The following NIBAN1 variants were observed in gnomAD, a reference collection of about 807,000 sequenced individuals.
The protein encoded by NIBAN1 is protein Niban 1.
In NIBAN1, 81 loss-of-function variants were observed where a neutral mutation model predicts 75.1. The observed-to-expected ratio is 1.08, with a 90% CI of 0.90 to 1.30. NIBAN1 has a LOEUF of 1.30. Ranked by LOEUF, NIBAN1 falls within the 50% of genes most tolerant of loss-of-function variation. The probability of loss-of-function intolerance (pLI) is 0.00; values close to 1 mark genes in which losing one functional copy is unlikely to be tolerated. For synonymous variants in NIBAN1, 436 were observed against 424.8 expected, an observed-to-expected ratio of 1.03 and a Z score of -0.32; for missense variants, 1,133 against 1,128.1, an observed-to-expected ratio of 1.00 and a Z score of -0.06.
chr1:184,899,229 T>G lies in NIBAN1; in HGVS notation c.136A>C (p.Thr46Pro), dbSNP rs550095870. The part of the protein sequence containing the change: ...YSVAFCNHVR[T>P]EVEQQRDLTS... ...AAATCTCTTTGCTGTTCTACTTCAG[T>G]GCGCACGTGATTGCAGAAAGCCACA... is the stretch of plus-strand genomic sequence containing the variant. Residue 46 changes from threonine to proline, a missense_variant, in exon 2 of 14, where the codon ACT becomes CCT. Physicochemically the swap from Thr to Pro is conservative, Grantham distance 38 (BLOSUM62 -1). Coordinates refer to ENST00000367511, the MANE Select transcript of NIBAN1 (RefSeq NM_052966.4). 6.2e-7 allele frequency: 1 copy of G among 1,614,000 alleles called. No homozygotes were observed. Among genetic ancestry groups the G allele is most frequent in the East Asian group, 2.2e-5 (1 of 44,880 alleles).
At chr1:184,833,565 G>A (rs1001917094) in intron 5 of NIBAN1, among the ~76,000 whole-genome samples, 4 of 152,002 alleles carry the variant, frequency 2.6e-5, no homozygotes, top group Admixed American at 1.3e-4. Flanking sequence ...AGCTGAGCAC[G>A]GTGGCACATG....
At chr1:184,823,423 T>A (rs1224332897) in intron 7 of NIBAN1, 94 bp from the exon 8 acceptor site, 16 of 1,480,968 alleles carry the variant, frequency 1.1e-5, no homozygotes, top group Middle Eastern at 3.6e-4. Context: ...CAGGCCATCA[T>A]AACAAACAGA....
intron 1 of NIBAN1, among the ~76,000 whole-genome samples, chr1:184,959,168 G>C (rs1312781873): frequency 1.3e-5 from 2 of 151,992 alleles, no homozygotes; most frequent in Non-Finnish European, 2.9e-5. Context: ...CTGCTCAGCT[G>C]TCTGGCCCCA....
At chr1:184,883,319 A>T (rs1656424293) in intron 5 of NIBAN1, among the ~76,000 whole-genome samples, 1 of 152,164 alleles carries the variant, frequency 6.6e-6, no homozygotes, top group Admixed American at 6.5e-5. Flanking sequence ...CTTTCAAATG[A>T]TAATTGGTGG....
At chr1:184,840,565 C>T (rs964714987) in intron 5 of NIBAN1, among the ~76,000 whole-genome samples, 3 of 151,908 alleles carry the variant, frequency 2.0e-5, no homozygotes, top group Non-Finnish European at 4.4e-5. Context: ...AAAATACTGC[C>T]TACCTTGTCC....
At chr1:184,911,039 G>A (rs1352677307) in intron 1 of NIBAN1, among the ~76,000 whole-genome samples, 1 of 151,590 alleles carries the variant, frequency 6.6e-6, no homozygotes, top group Non-Finnish European at 1.5e-5. Flanking sequence ...CCATAATTGT[G>A]TGGGCCAATT....
At chr1:184,925,365 C>A (rs1213105133) in intron 1 of NIBAN1, among the ~76,000 whole-genome samples, 1 of 151,994 alleles carries the variant, frequency 6.6e-6, no homozygotes, top group African/African-American at 2.4e-5. Context: ...TCCATTCAGC[C>A]ATTCTATGTC....
intron 1 of NIBAN1, among the ~76,000 whole-genome samples, chr1:184,917,304 A>G (rs1397224161): frequency 2.7e-5 from 4 of 147,790 alleles, no homozygotes; most frequent in Admixed American, 6.8e-5. Flanking sequence ...TCCCGGGTTC[A>G]TGCCATTCTG....
chr1:184,964,063 C>G (rs185508592), intron 1 of NIBAN1, among the ~76,000 whole-genome samples: 2 of 135,820 alleles, frequency 1.5e-5, no homozygotes, highest in Non-Finnish European at 3.0e-5. Flanking sequence ...ACTAAATAAG[C>G]TAAAAAAAAA....
chr1:184,956,503 C>A (rs1469637778), intron 1 of NIBAN1, among the ~76,000 whole-genome samples: 1 of 152,082 alleles, frequency 6.6e-6, no homozygotes, highest in Non-Finnish European at 1.5e-5. Flanking sequence ...ACTTTGTCAC[C>A]AATAGAGCTC....
intron 1 of NIBAN1, among the ~76,000 whole-genome samples, chr1:184,974,080 G>A (rs553107934): frequency 1.3e-3 from 194 of 152,228 alleles, no homozygotes; most frequent in African/African-American, 4.3e-3. Flanking sequence ...CCCGCATCCT[G>A]CACCTGCCTC....
chr1:184,890,964 C>A (rs1656653098), intron 3 of NIBAN1, among the ~76,000 whole-genome samples: 1 of 152,056 alleles, frequency 6.6e-6, no homozygotes, highest in Non-Finnish European at 1.5e-5. Flanking sequence ...TAAGTCAAGG[C>A]AAAATTCTGA....
chr1:184,868,262 T>C (rs1656009135), intron 5 of NIBAN1: 1 of 170,318 alleles, frequency 5.9e-6, no homozygotes, highest in Non-Finnish European at 1.2e-5. Flanking sequence ...AAAATTGTTT[T>C]AAAAAATTCA....
chr1:184,829,798 A>G (rs541472983), intron 6 of NIBAN1, among the ~76,000 whole-genome samples: 6 of 152,286 alleles, frequency 3.9e-5, no homozygotes, highest in South Asian at 4.1e-4. Context: ...TCATGGAGGA[A>G]TGTAAGTTCA....
intron 12 of NIBAN1, among the ~76,000 whole-genome samples, chr1:184,802,280 G>T (rs1382344315): frequency 3.3e-5 from 5 of 152,088 alleles, no homozygotes; most frequent in African/African-American, 7.2e-5. Flanking sequence ...TACAGATTGG[G>T]CACAGCACAC....
intron 8 of NIBAN1, among the ~76,000 whole-genome samples, chr1:184,822,625 T>G (rs1654733407): frequency 6.6e-6 from 1 of 152,212 alleles, no homozygotes; most frequent in Non-Finnish European, 1.5e-5. Context: ...ATGCATGGAC[T>G]GCCTAATATT....
intron 1 of NIBAN1, among the ~76,000 whole-genome samples, chr1:184,941,907 A>C (rs1330535608): frequency 6.6e-6 from 1 of 152,226 alleles, no homozygotes; most frequent in Non-Finnish European, 1.5e-5. Context: ...AGCTGCTCAG[A>C]CAGAGGAGAC....
chr1:184,955,463 C>T (rs1343023658), intron 1 of NIBAN1, among the ~76,000 whole-genome samples: 1 of 151,846 alleles, frequency 6.6e-6, no homozygotes, highest in East Asian at 1.9e-4. Context: ...CTCAGCCTCC[C>T]GAGTAGCTGG....
chr1:184,949,855 C>T (rs534407960), intron 1 of NIBAN1, among the ~76,000 whole-genome samples: 96 of 152,208 alleles, frequency 6.3e-4, no homozygotes, highest in Admixed American at 7.2e-4. Flanking sequence ...ATGACAATAT[C>T]CACAGAAAAT....
Sources: allele counts gnomAD v4.1 joint callset (sites outside exome capture counted in the v4.1 genomes callset), GRCh38; gene constraint gnomAD v4.1.1; transcripts MANE v1.5; gene names NCBI Gene and HGNC (gene_info 2026-07-23, HGNC 2026-07-21).